Variants in AK5 observed in about 807,000 individuals in gnomAD.
AK5 encodes the protein adenylate kinase 5, also known as adenylate kinase isoenzyme 5.
In AK5, 27 loss-of-function variants were observed where a neutral mutation model predicts 69.5. The observed-to-expected ratio is 0.39, with a 90% CI of 0.29 to 0.54. AK5 has a LOEUF of 0.54. AK5 is among the 20% of genes least tolerant of loss of function. The pLI is 0.71. For missense variants in AK5, 531 were observed against 700.4 expected (o/e 0.76, Z 2.73); for synonymous variants, 260 against 244.4 (o/e 1.06, Z -0.60).
chr1:77,359,212 G>A (rs899123887), intron 6 of AK5, among the ~76,000 whole-genome samples: 4 of 150,394 alleles, frequency 2.7e-5, no homozygotes, highest in Admixed American at 6.6e-5. Flanking sequence ...CCGAGATTAC[G>A]CCACTGCACT....
chr1:77,302,199 G>A (rs1288980185), intron 5 of AK5, among the ~76,000 whole-genome samples: 1 of 134,278 alleles, frequency 7.4e-6, no homozygotes, highest in Non-Finnish European at 1.6e-5. Context: ...GCAACTGGCT[G>A]AGACCTATTT....
intron 5 of AK5, among the ~76,000 whole-genome samples, chr1:77,328,139 T>C (rs909806590): frequency 2.6e-5 from 4 of 152,196 alleles, no homozygotes; most frequent in African/African-American, 7.2e-5. Flanking sequence ...AAAAGACATC[T>C]TGGGGAAAAG....
At chr1:77,491,070 T>G (rs1023517739) in intron 10 of AK5, among the ~76,000 whole-genome samples, 8 of 152,080 alleles carry the variant, frequency 5.3e-5, no homozygotes, top group Admixed American at 4.6e-4. Flanking sequence ...ACATTGGCAT[T>G]GATGCTGTGA....
chr1:77,516,590 A>G (rs943511598), intron 10 of AK5, among the ~76,000 whole-genome samples: 1 of 152,094 alleles, frequency 6.6e-6, no homozygotes, highest in Non-Finnish European at 1.5e-5. Flanking sequence ...AAGAGGAGGA[A>G]GGAAGGGCCT....
At chr1:77,391,669 G>T (rs1389062852) in intron 6 of AK5, among the ~76,000 whole-genome samples, 1 of 151,540 alleles carries the variant, frequency 6.6e-6, no homozygotes, top group Non-Finnish European at 1.5e-5. Flanking sequence ...ATAATAACCA[G>T]CATCTAGAAA....
intron 3 of AK5, among the ~76,000 whole-genome samples, chr1:77,294,815 C>G (rs11162310): frequency 0.44 from 66,528 of 151,844 alleles, 14,931 homozygotes; most frequent in Middle Eastern, 0.5. Context: ...ATCACTTGAG[C>G]CCAGGAGTTT....
chr1:77,296,510 T>A (rs2100660066), intron 3 of AK5, among the ~76,000 whole-genome samples: 1 of 152,228 alleles, frequency 6.6e-6, no homozygotes, highest in Admixed American at 6.5e-5. Flanking sequence ...AAATTTTTTT[T>A]CTTGAAAGTA....
intron 13 of AK5, chr1:77,540,733 G>A (rs1659221074): frequency 6.6e-6 from 1 of 152,132 alleles, no homozygotes. Context: ...TCTTCCTAAA[G>A]TGGATAGAAC....
In AK5 at chr1:77,367,555, T is replaced by TATATATATATATATA. The variant is rs1553139660; in HGVS notation, c.891+26987_891+26988insATATATATATATATA. 2.0e-3 allele frequency among the ~76,000 whole-genome samples: 118 copies of TATATATATATATATA among 59,288 alleles called. 11 individuals carry two copies. The highest frequency in any genetic ancestry group is 5.8e-3 in the East Asian group (12 of 2,064). 38.9% of individuals were successfully genotyped at this position (59,288 alleles called of 152,430 possible). A position where few individuals can be genotyped will look rare whatever the true frequency, so the allele number is the denominator to read the frequency against. ...TGTTGCCCAGACTCATTTATGTTAT[T>TATATATATATATATA]TTTATATATATATATATATATATAA... On this transcript the variant is annotated intron_variant, in intron 6 of 13. Transcript: ENST00000354567.
intron 6 of AK5, among the ~76,000 whole-genome samples, chr1:77,371,982 G>A (rs1263766657): frequency 6.6e-6 from 1 of 152,158 alleles, no homozygotes; most frequent in Admixed American, 6.5e-5. Context: ...GAAGGTGTGA[G>A]TTCATCTGAA....
chr1:77,378,470 C>T (rs1176661672), intron 6 of AK5, among the ~76,000 whole-genome samples: 1 of 152,152 alleles, frequency 6.6e-6, no homozygotes, highest in Non-Finnish European at 1.5e-5. Context: ...TACAGGCATG[C>T]ACCACCACGC....
At chr1:77,282,436 G>A in intron 1 of AK5, 63 bp downstream of exon 1, 5 of 1,510,156 alleles carry the variant, frequency 3.3e-6, no homozygotes, top group Non-Finnish European at 4.4e-6. Flanking sequence ...GGTTCGGGTT[G>A]AGGCAGCCGC....
chr1:77,482,476 T>C (rs1484022370), intron 8 of AK5, among the ~76,000 whole-genome samples: 1 of 152,150 alleles, frequency 6.6e-6, no homozygotes, highest in African/African-American at 2.4e-5. Flanking sequence ...TATGGCTAAA[T>C]AGTTGCCCTG....
chr1:77,558,155 C>T (rs540245152), intron 13 of AK5, among the ~76,000 whole-genome samples: 1 of 152,286 alleles, frequency 6.6e-6, no homozygotes, highest in African/African-American at 2.4e-5. Context: ...CATGAAGTTG[C>T]TGTCAACATC....
intron 6 of AK5, among the ~76,000 whole-genome samples, chr1:77,359,484 T>A (rs1646823503): frequency 6.6e-6 from 1 of 152,184 alleles, no homozygotes; most frequent in Admixed American, 6.6e-5. Context: ...TTCTGTAAAC[T>A]TTTTTGTAAA....
intron 5 of AK5, among the ~76,000 whole-genome samples, chr1:77,298,277 A>C (rs1472270759): frequency 1.3e-5 from 2 of 152,110 alleles, no homozygotes; most frequent in Non-Finnish European, 2.9e-5. Flanking sequence ...AGTACTGTCC[A>C]GGGATGCAAA....
intron 5 of AK5, among the ~76,000 whole-genome samples, chr1:77,312,350 C>T (rs1172476056): frequency 1.3e-5 from 2 of 152,136 alleles, no homozygotes; most frequent in African/African-American, 4.8e-5. Flanking sequence ...CATGGTGGCT[C>T]ATGCCTGTTA....
chr1:77,327,444 T>C (rs1046523743), intron 5 of AK5, among the ~76,000 whole-genome samples: 3 of 151,420 alleles, frequency 2.0e-5, no homozygotes, highest in African/African-American at 7.3e-5. Context: ...AATGGTGACA[T>C]TAACAACATG....
At chr1:77,519,665 C>G (rs1657872439) in intron 11 of AK5, among the ~76,000 whole-genome samples, 1 of 152,222 alleles carries the variant, frequency 6.6e-6, no homozygotes, top group Non-Finnish European at 1.5e-5. Context: ...ATATGCTAAA[C>G]AAGGGATGGA....
Sources: gnomAD v4.1 joint callset for allele counts (sites outside exome capture counted in the v4.1 genomes callset) on GRCh38, gnomAD v4.1.1 for gene constraint, MANE v1.5 for transcripts, NCBI Gene and HGNC (gene_info 2026-07-23, HGNC 2026-07-21) for gene names.